Variants in SDC2 observed in about 807,000 individuals in gnomAD.
The protein encoded by SDC2 is syndecan-2.
Under a neutral mutation model 22.2 loss-of-function variants are expected in SDC2, and 13 were observed. The ratio of observed to expected loss-of-function variants is 0.59; its 90% CI spans 0.38 to 0.93. The LOEUF is 0.93. Ranked by LOEUF, SDC2 falls within the 40% of genes least tolerant of loss-of-function variation. SDC2 has a pLI of 0.00. For synonymous variants in SDC2, 94 were observed against 92.8 expected (o/e 1.01, Z -0.07); for missense variants, 235 against 246.8 (o/e 0.95, Z 0.32).
chr8:96,503,153 C>T (rs534134511), intron 1 of SDC2, among the ~76,000 whole-genome samples: 7 of 152,254 alleles, frequency 4.6e-5, no homozygotes, highest in Non-Finnish European at 8.8e-5. Context: ...AGGACAAATC[C>T]GTGTTAAGAT....
chr8:96,531,118 C>G (rs981209077), intron 1 of SDC2, among the ~76,000 whole-genome samples: 1 of 152,204 alleles, frequency 6.6e-6, no homozygotes, highest in East Asian at 1.9e-4. Context: ...GTGATCTAAC[C>G]CAACCCTGCC....
intron 1 of SDC2, among the ~76,000 whole-genome samples, chr8:96,576,715 G>A (rs567586730): frequency 1.3e-5 from 2 of 151,754 alleles, no homozygotes; most frequent in African/African-American, 2.4e-5. Flanking sequence ...CACCGCGCCC[G>A]GCCTATTCTC....
At chr8:96,548,864 G>A (rs1310657021) in intron 1 of SDC2, among the ~76,000 whole-genome samples, 1 of 152,200 alleles carries the variant, frequency 6.6e-6, no homozygotes, top group African/African-American at 2.4e-5. Flanking sequence ...CAGTGTTGCT[G>A]GTAAGTAGGC....
chr8:96,572,344 G>A (rs1814410252), intron 1 of SDC2, among the ~76,000 whole-genome samples: 1 of 152,184 alleles, frequency 6.6e-6, no homozygotes, highest in South Asian at 2.1e-4. Flanking sequence ...GCCACCTGCT[G>A]AGGACCAGTG....
chr8:96,609,772 T>C lies in SDC2; in HGVS notation c.*224T>C, dbSNP rs1046462904. 1.2e-4 allele frequency: 45 copies of C among 363,390 alleles called. No individual in the cohort carries two copies. The highest frequency in any genetic ancestry group is 2.5e-4 in the South Asian group (2 of 7,986). 22.5% of individuals were successfully genotyped at this position (363,390 alleles called of 1,614,324 possible). A position where few individuals can be genotyped will look rare whatever the true frequency, so the allele number is the denominator to read the frequency against. ...TTCTGTGAATAGCAGTGGCAAAATA[T>C]TATGTTATGAAAACCCTCGATGTTC... On this transcript the variant is annotated 3_prime_UTR_variant, in exon 5 of 5. Coordinates refer to ENST00000302190, the MANE Select transcript of SDC2 (RefSeq NM_002998.4).
intron 1 of SDC2, among the ~76,000 whole-genome samples, chr8:96,558,159 G>T (rs1164903635): frequency 6.6e-6 from 1 of 152,064 alleles, no homozygotes; most frequent in East Asian, 1.9e-4. Context: ...GAAATGTTTT[G>T]CTAGGGTTCA....
Position 96,610,539 on chromosome 8 carries a change from C to T in SDC2, c.*991C>T, listed in dbSNP as rs1037789613. The T allele has an allele frequency of 2.6e-5, 4 of 152,560 alleles. No individual in the cohort carries two copies. The South Asian group carries it at 6.2e-4, about 24-fold the overall frequency. The allele number at this position is 152,560 out of a possible 1,614,324, so 9.5% of individuals were successfully genotyped here. A position where few individuals can be genotyped will look rare whatever the true frequency, so the allele number is the denominator to read the frequency against. Reference sequence around the variant, plus strand: ...AAAAAAAAAGTTGGTATTTTATAAGCACAGACAATTCTAATGGTAACTTTT... The same window carrying T: ...AAAAAAAAAGTTGGTATTTTATAAGTACAGACAATTCTAATGGTAACTTTT... On this transcript the variant is annotated 3_prime_UTR_variant, in exon 5 of 5. Coordinates refer to ENST00000302190, the MANE Select transcript of SDC2 (RefSeq NM_002998.4).
chr8:96,576,201 C>G lies in SDC2; in HGVS notation c.61-17279C>G, dbSNP rs540831657. ...TCTTGTACCTGGTATGAAGGCGGTA[C>G]TTTCTGGTCCCATTAGTGATTAATA... On this transcript the variant is annotated intron_variant, in intron 1 of 4. Coordinates refer to ENST00000302190, the MANE Select transcript of SDC2 (RefSeq NM_002998.4). 2.9e-4 allele frequency among the ~76,000 whole-genome samples: 44 copies of G among 152,004 alleles called. No individual in the cohort carries two copies. The East Asian group carries it at 7.9e-3, about 27-fold the overall frequency.
chr8:96,563,913 A>G (rs1296183269), intron 1 of SDC2, among the ~76,000 whole-genome samples: 2 of 152,216 alleles, frequency 1.3e-5, no homozygotes, highest in Non-Finnish European at 2.9e-5. Flanking sequence ...GGACACTTAC[A>G]TATTTAGCTG....
intron 1 of SDC2, among the ~76,000 whole-genome samples, chr8:96,583,919 T>C (rs1334899658): frequency 1.3e-5 from 2 of 152,184 alleles, no homozygotes; most frequent in Non-Finnish European, 2.9e-5. Context: ...GGCATTGAGA[T>C]TGTCTCCCTG....
At chr8:96,564,585 G>A (rs879110304) in intron 1 of SDC2, among the ~76,000 whole-genome samples, 3 of 152,158 alleles carry the variant, frequency 2.0e-5, no homozygotes, top group Admixed American at 2.0e-4. Flanking sequence ...CCTTTGTGAA[G>A]GATTCTAAAG....
chr8:96,547,392 T>G (rs1813950937), intron 1 of SDC2, among the ~76,000 whole-genome samples: 1 of 152,220 alleles, frequency 6.6e-6, no homozygotes, highest in South Asian at 2.1e-4. Context: ...GTCCTAATTA[T>G]GACTCAAGCT....
At chr8:96,548,042 C>T (rs1290668594) in intron 1 of SDC2, among the ~76,000 whole-genome samples, 2 of 152,184 alleles carry the variant, frequency 1.3e-5, no homozygotes, top group Non-Finnish European at 1.5e-5. Flanking sequence ...GGATTACAGG[C>T]GTGAGCCACC....
chr8:96,544,232 T>TA (rs1371022471), intron 1 of SDC2, among the ~76,000 whole-genome samples: 2 of 152,208 alleles, frequency 1.3e-5, no homozygotes, highest in East Asian at 3.9e-4. Flanking sequence ...TGTACTTACC[T>TA]ATCTGCAAAG....
chr8:96,502,423 A>G (rs1407379644), intron 1 of SDC2, among the ~76,000 whole-genome samples: 1 of 152,244 alleles, frequency 6.6e-6, no homozygotes, highest in Non-Finnish European at 1.5e-5. Context: ...GATACAAGCC[A>G]GTGTAACATA....
At chr8:96,511,538 G>A (rs1813328527) in intron 1 of SDC2, among the ~76,000 whole-genome samples, 1 of 152,142 alleles carries the variant, frequency 6.6e-6, no homozygotes, top group Non-Finnish European at 1.5e-5. Context: ...TAATTTAAAA[G>A]TTTTGTGAGG....
In SDC2 at chr8:96,532,412, G is replaced by GTTTTTTTTTTTTT. The variant is rs35452131; in HGVS notation, c.60+38092_60+38104dup. Among the ~76,000 whole-genome samples the GTTTTTTTTTTTTT allele has an allele frequency of 5.8e-4, 28 of 47,942 alleles. 1 individual carries two copies. Among genetic ancestry groups the GTTTTTTTTTTTTT allele is most frequent in the African/African-American group, 2.7e-3 (26 of 9,554 alleles). 31.5% of individuals were successfully genotyped at this position (47,942 alleles called of 152,430 possible). A position where few individuals can be genotyped will look rare whatever the true frequency, so the allele number is the denominator to read the frequency against. On this transcript the variant is annotated intron_variant, in intron 1 of 4. Coordinates refer to ENST00000302190, the MANE Select transcript of SDC2 (RefSeq NM_002998.4). ...CCTGAGTCTCTCTGCTTATTGAGGCGTTTTTTTTTTTTTTTTTTTTTTTGG... is the reference window on the plus strand; with the variant it reads ...CCTGAGTCTCTCTGCTTATTGAGGCGTTTTTTTTTTTTTTTTTTTTTTTTTTTTTTTTTTTTGG...
chr8:96,592,473 C>G (rs542145808), intron 1 of SDC2, among the ~76,000 whole-genome samples: 101 of 152,304 alleles, frequency 6.6e-4, no homozygotes, highest in African/African-American at 2.4e-3. Flanking sequence ...TGTTTCCAAA[C>G]AAGCGTTGTT....
chr8:96,541,407 T>A (rs1280938468), intron 1 of SDC2, among the ~76,000 whole-genome samples: 2 of 149,314 alleles, frequency 1.3e-5, no homozygotes, highest in African/African-American at 5.0e-5. Context: ...CTCAGGAGGC[T>A]GAGGCAGGAG....
Sources: allele counts gnomAD v4.1 joint callset (sites outside exome capture counted in the v4.1 genomes callset), GRCh38; gene constraint gnomAD v4.1.1; transcripts MANE v1.5; gene names NCBI Gene and HGNC (gene_info 2026-07-23, HGNC 2026-07-21).